The following TOX3 variants were observed in gnomAD, a reference collection of about 807,000 sequenced individuals.
The protein encoded by TOX3 is CAG trinucleotide repeat-containing gene F9 protein.
TOX3 carries 22 observed loss-of-function variants against 64.3 expected under a neutral mutation model. That is an observed-to-expected ratio of 0.34 (90% CI 0.24 to 0.49). The LOEUF is 0.49. Among genes scored for constraint, TOX3 ranks in the 20% least tolerant of loss-of-function variants. TOX3 has a pLI of 0.99. For synonymous variants in TOX3, 291 were observed against 273.6 expected (o/e 1.06, Z -0.63); for missense variants, 661 against 714.4 (o/e 0.93, Z 0.85).
chr16:52,465,002 A>ATTTTTTTTTT (rs1340719697), intron 2 of TOX3, among the ~76,000 whole-genome samples: 3 of 60,968 alleles, frequency 4.9e-5, no homozygotes, highest in African/African-American at 1.5e-4. Flanking sequence ...GTCTTAATGC[A>ATTTTTTTTTT]TTCTTTTTTT....
At chr16:52,442,868 T>C (rs1318485013) in intron 6 of TOX3, among the ~76,000 whole-genome samples, 1 of 152,220 alleles carries the variant, frequency 6.6e-6, no homozygotes, top group Non-Finnish European at 1.5e-5. Context: ...TTCTCTTTTT[T>C]GGTGTCATTG....
intron 1 of TOX3, among the ~76,000 whole-genome samples, chr16:52,542,404 G>T (rs1161061648): frequency 3.3e-5 from 5 of 152,110 alleles, no homozygotes; most frequent in Admixed American, 2.0e-4. Context: ...AGTTTTGAGG[G>T]TCCCACATAA....
Position 52,439,071 on chromosome 16 carries a change from T to C in TOX3, c.*154A>G. 2 of 1,064,374 alleles carry C rather than the reference T, an allele frequency of 1.9e-6. No individual in the cohort carries two copies. The highest frequency in any genetic ancestry group is 2.8e-6 in the Non-Finnish European group (2 of 716,044). The allele number at this position is 1,064,374 out of a possible 1,614,324, so 65.9% of individuals were successfully genotyped here. A position where few individuals can be genotyped will look rare whatever the true frequency, so the allele number is the denominator to read the frequency against. ...AGATGTTACTCAGCTACACTGCAGT[T>C]CTTATTGCCTATCTAATAGACACTT... On this transcript the variant is annotated 3_prime_UTR_variant, in exon 7 of 7. Coordinates refer to ENST00000219746, the MANE Select transcript of TOX3 (RefSeq NM_001080430.4).
intron 1 of TOX3, among the ~76,000 whole-genome samples, chr16:52,496,304 A>G (rs1196495004): frequency 1.3e-5 from 2 of 152,236 alleles, no homozygotes; most frequent in African/African-American, 2.4e-5. Context: ...ACTTGCAGTA[A>G]TAATTTTTGA....
At chr16:52,540,702 T>A (rs1439682398) in intron 1 of TOX3, among the ~76,000 whole-genome samples, 1 of 152,184 alleles carries the variant, frequency 6.6e-6, no homozygotes, top group Admixed American at 6.5e-5. Context: ...AGTACTCATT[T>A]GTGACCACTC....
chr16:52,510,039 T>C (rs372913003), intron 1 of TOX3, among the ~76,000 whole-genome samples: 1 of 151,714 alleles, frequency 6.6e-6, no homozygotes, highest in African/African-American at 2.4e-5. Flanking sequence ...AAGTACAAGA[T>C]CAGCTCTATT....
At chr16:52,449,094 G>A (rs1238047233) in intron 4 of TOX3, among the ~76,000 whole-genome samples, 4 of 152,154 alleles carry the variant, frequency 2.6e-5, no homozygotes, top group African/African-American at 9.7e-5. Context: ...CTTGATGAAA[G>A]GAAACATAAC....
In TOX3 at chr16:52,447,130, C is replaced by T. The variant is rs187448153; in HGVS notation, c.679-909G>A. The stretch of plus-strand genomic sequence containing the variant: ...CTCCATACTCACCAGCTACCACCAT[C>T]TAAGTTCACTGATCATTTAACATAC... On this transcript the variant is annotated intron_variant, in intron 4 of 6. Coordinates refer to ENST00000219746, the MANE Select transcript of TOX3 (RefSeq NM_001080430.4). 2.0e-5 allele frequency among the ~76,000 whole-genome samples: 3 copies of T among 152,304 alleles called. No individual in the cohort carries two copies. The East Asian group carries it at 5.8e-4, about 29-fold the overall frequency.
chr16:52,453,433 C>T (rs1463739374), intron 3 of TOX3, among the ~76,000 whole-genome samples: 1 of 152,160 alleles, frequency 6.6e-6, no homozygotes, highest in Non-Finnish European at 1.5e-5. Context: ...ATCTGCCAGC[C>T]TCGGCCTCCC....
chr16:52,546,769 G>T lies in TOX3; in HGVS notation c.-46C>A. ...CGGGGGCCGGGACTGGGGTTCGCCG[G>T]GGCCGGGACCCGCCTCCTCGCCGCC... On this transcript the variant is annotated 5_prime_UTR_variant, in exon 1 of 7. Transcript: ENST00000219746. The T allele has an allele frequency of 6.9e-7, 1 of 1,455,076 alleles. No homozygotes were observed. The highest frequency in any genetic ancestry group is 9.1e-7 in the Non-Finnish European group (1 of 1,104,934). 90.1% of individuals were successfully genotyped at this position (1,455,076 alleles called of 1,614,324 possible).
At chr16:52,466,707 T>C (rs1205608741) in intron 2 of TOX3, among the ~76,000 whole-genome samples, 1 of 152,114 alleles carries the variant, frequency 6.6e-6, no homozygotes, top group East Asian at 1.9e-4. Context: ...TATGGTATAA[T>C]TTTTTTAACG....
chr16:52,470,134 C>T (rs1198793417), intron 1 of TOX3, among the ~76,000 whole-genome samples: 1 of 152,226 alleles, frequency 6.6e-6, no homozygotes, highest in African/African-American at 2.4e-5. Context: ...CACACTCACA[C>T]ACATATTTTC....
At chr16:52,447,927 T>A (rs1407181840) in intron 4 of TOX3, among the ~76,000 whole-genome samples, 1 of 152,194 alleles carries the variant, frequency 6.6e-6, no homozygotes, top group African/African-American at 2.4e-5. Context: ...CCCTGACCAA[T>A]GGCAAGTTGC....
chr16:52,516,374 A>T (rs1166241145), intron 1 of TOX3, among the ~76,000 whole-genome samples: 1 of 152,198 alleles, frequency 6.6e-6, no homozygotes, highest in Non-Finnish European at 1.5e-5. Context: ...AGAGAAAGGG[A>T]ACTGGATTCA....
intron 1 of TOX3, among the ~76,000 whole-genome samples, chr16:52,527,359 G>A (rs1962748136): frequency 1.3e-5 from 2 of 152,088 alleles, no homozygotes; most frequent in South Asian, 2.1e-4. Context: ...CATTGGTGGT[G>A]CTTTAACAAT....
intron 1 of TOX3, among the ~76,000 whole-genome samples, chr16:52,504,825 TTTTG>T (rs57996503): frequency 0.52 from 77,889 of 150,074 alleles, 20,600 homozygotes; most frequent in East Asian, 0.73. Flanking sequence ...AAGAGGGTCT[TTTTG>T]TTTGTTTGTT....
chr16:52,495,026 T>C (rs1961803565), intron 1 of TOX3, among the ~76,000 whole-genome samples: 2 of 152,196 alleles, frequency 1.3e-5, no homozygotes, highest in African/African-American at 2.4e-5. Context: ...CGGCATCGGT[T>C]CAAATCCCAT....
intron 1 of TOX3, among the ~76,000 whole-genome samples, chr16:52,472,878 C>A (rs946903569): frequency 6.6e-6 from 1 of 152,066 alleles, no homozygotes; most frequent in African/African-American, 2.4e-5. Context: ...AAGATAGAGT[C>A]CCCAAAGATA....
chr16:52,444,256 C>T lies in TOX3; in HGVS notation c.987+20G>A, dbSNP rs537021575. 2 of 1,529,668 alleles carry T rather than the reference C, an allele frequency of 1.3e-6. No homozygotes were observed. Among genetic ancestry groups the T allele is most frequent in the East Asian group, 2.4e-5 (1 of 41,874 alleles). 94.8% of individuals were successfully genotyped at this position (1,529,668 alleles called of 1,614,324 possible). A position where few individuals can be genotyped will look rare whatever the true frequency, so the allele number is the denominator to read the frequency against. On this transcript the variant is annotated intron_variant, in intron 6 of 6. Transcript: ENST00000219746. ...ACGCTGTGACTATTTTGGAGCCTGG[C>T]CGCCCCTGCCCAGGTTTACCTTAGA...
Sources: allele counts gnomAD v4.1 joint callset (sites outside exome capture counted in the v4.1 genomes callset), GRCh38; gene constraint gnomAD v4.1.1; transcripts MANE v1.5; gene names NCBI Gene and HGNC (gene_info 2026-07-23, HGNC 2026-07-21).